Variants in HIVEP3 observed in about 807,000 individuals in gnomAD.
HIVEP3 encodes the protein HIVEP zinc finger 3.
In HIVEP3, 49 loss-of-function variants were observed where a neutral mutation model predicts 152.8. The ratio of observed to expected loss-of-function variants is 0.32; its 90% CI spans 0.26 to 0.41. HIVEP3 has a LOEUF of 0.41. Ranked by LOEUF, HIVEP3 falls within the 10% of genes least tolerant of loss-of-function variation. HIVEP3 has a pLI of 1.00. For synonymous variants in HIVEP3, 1,269 were observed against 1,289.0 expected (o/e 0.98, Z 0.33); for missense variants, 2,790 against 3,103.3 (o/e 0.90, Z 2.40).
chr1:41,994,410 A>T (rs1308407776), intron 1 of HIVEP3, among the ~76,000 whole-genome samples: 1 of 152,130 alleles, frequency 6.6e-6, no homozygotes, highest in East Asian at 1.9e-4. Flanking sequence ...CCCAAATCTC[A>T]TGTTGAATTG....
intron 3 of HIVEP3, among the ~76,000 whole-genome samples, chr1:41,601,909 A>C (rs895444366): frequency 2.0e-5 from 3 of 152,160 alleles, no homozygotes; most frequent in Non-Finnish European, 4.4e-5. Flanking sequence ...ATGTTGAAGT[A>C]CTTTCCCTCT....
chr1:41,695,811 GA>G (rs1190577138), intron 2 of HIVEP3, among the ~76,000 whole-genome samples: 5 of 152,210 alleles, frequency 3.3e-5, no homozygotes, highest in Non-Finnish European at 7.3e-5. Context: ...TTTCTCAGGT[GA>G]AAATTAAAGT....
At chr1:41,528,974 A>T (rs376312071) in intron 5 of HIVEP3, among the ~76,000 whole-genome samples, 2 of 89,808 alleles carry the variant, frequency 2.2e-5, no homozygotes, top group South Asian at 4.3e-4. Context: ...CCCCACCCTC[A>T]CACTCACCTT....
At position 41,533,989 on chromosome 1, in the gene HIVEP3, C is replaced by A. The variant is rs1417627955; in HGVS notation, c.5208-9079G>T. On this transcript the variant is annotated intron_variant, in intron 5 of 8. Coordinates refer to ENST00000372583, the MANE Select transcript of HIVEP3 (RefSeq NM_024503.5). This position sits in a 1 kb window ranked among gnomAD's most constrained non-coding sequence, Gnocchi z 4.3. Reference sequence around the variant, plus strand: ...TGCACTCGTGTGGCTGGCCAGCCCACAGGCTGGGCTTCATCCTTGATGGCT... The same window carrying A: ...TGCACTCGTGTGGCTGGCCAGCCCAAAGGCTGGGCTTCATCCTTGATGGCT... Among the ~76,000 whole-genome samples, 1 of 152,088 alleles carries A rather than the reference C, an allele frequency of 6.6e-6. No individual in the cohort carries two copies. Among genetic ancestry groups the A allele is most frequent in the East Asian group, 1.9e-4 (1 of 5,144 alleles).
At chr1:41,532,877 A>G (rs920481172) in intron 5 of HIVEP3, among the ~76,000 whole-genome samples, 5 of 152,182 alleles carry the variant, frequency 3.3e-5, no homozygotes, top group African/African-American at 1.2e-4. Context: ...AAGACAGAAG[A>G]GGGTAGTGCC....
intron 1 of HIVEP3, among the ~76,000 whole-genome samples, chr1:41,806,363 G>C (rs1316534568): frequency 6.6e-6 from 1 of 152,132 alleles, no homozygotes; most frequent in Non-Finnish European, 1.5e-5. Flanking sequence ...TCCTGGGTGT[G>C]GTCCCCTGCC....
intron 1 of HIVEP3, among the ~76,000 whole-genome samples, chr1:41,717,031 T>C (rs1162718029): frequency 6.6e-6 from 1 of 152,130 alleles, no homozygotes; most frequent in Non-Finnish European, 1.5e-5. Context: ...GTCTTCTCTT[T>C]TGGGGAGAGC....
intron 5 of HIVEP3, among the ~76,000 whole-genome samples, chr1:41,562,362 T>A (rs1644078580): frequency 6.6e-6 from 1 of 152,156 alleles, no homozygotes; most frequent in African/African-American, 2.4e-5. Context: ...GCTGAGAGGG[T>A]GACCTTTCTT....
At chr1:41,753,161 G>A (rs1277295269) in intron 1 of HIVEP3, among the ~76,000 whole-genome samples, 2 of 152,120 alleles carry the variant, frequency 1.3e-5, no homozygotes, top group Non-Finnish European at 2.9e-5. Context: ...TGGGAGTGTA[G>A]GGAAAAAGAC....
intron 3 of HIVEP3, among the ~76,000 whole-genome samples, chr1:41,592,297 T>C (rs6670942): frequency 0.015 from 2,210 of 152,294 alleles, 31 homozygotes; most frequent in Non-Finnish European, 0.019. Flanking sequence ...GGCACTTTCC[T>C]CTCTGGGCCT....
intron 3 of HIVEP3, among the ~76,000 whole-genome samples, chr1:41,616,327 G>T (rs913251979): frequency 1.3e-5 from 2 of 152,150 alleles, no homozygotes; most frequent in Non-Finnish European, 2.9e-5. Flanking sequence ...CAACATCTTT[G>T]TTCCCCACCT....
intron 3 of HIVEP3, among the ~76,000 whole-genome samples, chr1:41,622,438 A>T (rs1294057483): frequency 3.9e-5 from 6 of 152,286 alleles, no homozygotes; most frequent in Non-Finnish European, 8.8e-5. Context: ...CTGAACTGGG[A>T]ATGCTGAGCT....
chr1:41,770,333 T>C (rs6680824), intron 1 of HIVEP3, among the ~76,000 whole-genome samples: 64,844 of 151,930 alleles, frequency 0.43, 15,599 homozygotes, highest in Non-Finnish European at 0.55. Flanking sequence ...CAGAATATTT[T>C]CTAATGACTG....
At chr1:41,619,140 C>CA (rs1645010614) in intron 3 of HIVEP3, among the ~76,000 whole-genome samples, 1 of 152,160 alleles carries the variant, frequency 6.6e-6, no homozygotes, top group Non-Finnish European at 1.5e-5. Context: ...CCTGTGCCCC[C>CA]ACCCCCACTC....
intron 1 of HIVEP3, among the ~76,000 whole-genome samples, chr1:41,988,411 T>C (rs1645336710): frequency 6.6e-6 from 1 of 152,074 alleles, no homozygotes; most frequent in African/African-American, 2.4e-5. Flanking sequence ...GGGCAAAGGA[T>C]CTGAAAAGGC....
intron 1 of HIVEP3, among the ~76,000 whole-genome samples, chr1:41,830,993 C>A (rs572780480): frequency 1.3e-5 from 2 of 152,320 alleles, no homozygotes; most frequent in Admixed American, 1.3e-4. Context: ...CAAATCATTG[C>A]TAGCATATTT....
chr1:41,638,003 T>C (rs1013942773), intron 2 of HIVEP3, among the ~76,000 whole-genome samples: 4 of 152,182 alleles, frequency 2.6e-5, no homozygotes, highest in African/African-American at 9.6e-5. Context: ...ATCTAAATAA[T>C]GTGTACACAT....
chr1:41,844,258 C>T (rs1643372415), intron 1 of HIVEP3, among the ~76,000 whole-genome samples: 1 of 152,200 alleles, frequency 6.6e-6, no homozygotes, highest in Non-Finnish European at 1.5e-5. Flanking sequence ...AAGGGAGCAG[C>T]ACACTAAACT....
At chr1:41,964,765 G>C (rs1645188508) in intron 1 of HIVEP3, among the ~76,000 whole-genome samples, 2 of 152,214 alleles carry the variant, frequency 1.3e-5, no homozygotes, top group African/African-American at 4.8e-5. Flanking sequence ...GATCTCCCTG[G>C]GACAGAGCCC....
Sources: allele counts gnomAD v4.1 joint callset (sites outside exome capture counted in the v4.1 genomes callset), GRCh38; gene constraint gnomAD v4.1.1; non-coding constraint Gnocchi (gnomAD v3.1); transcripts MANE v1.5; gene names NCBI Gene and HGNC (gene_info 2026-07-23, HGNC 2026-07-21).